MPHOSPH6: variants seen among roughly 807,000 people sequenced by gnomAD.
MPHOSPH6 encodes M-phase phosphoprotein 6.
In MPHOSPH6, 25 loss-of-function variants were observed where a neutral mutation model predicts 21.8. That is an observed-to-expected ratio of 1.15 (90% CI 0.83 to 1.60). The LOEUF (loss-of-function observed/expected upper bound fraction) is 1.60. MPHOSPH6 is among the 40% of genes most tolerant of loss of function. MPHOSPH6 has a pLI of 0.00. For synonymous variants in MPHOSPH6, 84 were observed against 56.5 expected, an observed-to-expected ratio of 1.49 and a Z score of -2.18; for missense variants, 269 against 181.8, an observed-to-expected ratio of 1.48 and a Z score of -2.76.
intron 2 of MPHOSPH6, among the ~76,000 whole-genome samples, chr16:82,158,495 T>C (rs1469007236): frequency 3.6e-4 from 23 of 63,724 alleles, no homozygotes; most frequent in African/African-American, 1.4e-3. Context: ...CGAGACTCCG[T>C]CTCAAAAAAA....
intron 3 of MPHOSPH6, among the ~76,000 whole-genome samples, chr16:82,150,191 A>T (rs79097164): frequency 0.14 from 21,606 of 151,656 alleles, 2,215 homozygotes; most frequent in Admixed American, 0.34. Flanking sequence ...ATTTTCTAAC[A>T]CCCGTCCCTG....
At chr16:82,151,754 T>C (rs1168848943) in intron 2 of MPHOSPH6, among the ~76,000 whole-genome samples, 2 of 152,246 alleles carry the variant, frequency 1.3e-5, no homozygotes, top group South Asian at 2.1e-4. Context: ...TTAATTTGCA[T>C]AAATATCTAC....
chr16:82,164,933 C>T (rs994573047), intron 1 of MPHOSPH6: 5 of 152,028 alleles, frequency 3.3e-5, no homozygotes, highest in African/African-American at 9.7e-5. Context: ...GCATGAATAC[C>T]TGTATTTCTT....
intron 2 of MPHOSPH6, among the ~76,000 whole-genome samples, chr16:82,161,947 A>C (rs1906620668): frequency 6.6e-6 from 1 of 152,250 alleles, no homozygotes; most frequent in African/African-American, 2.4e-5. Flanking sequence ...GAGCACAGAC[A>C]CATGCAATCT....
At chr16:82,151,926 C>G (rs746124253) in intron 2 of MPHOSPH6, among the ~76,000 whole-genome samples, 9 of 152,202 alleles carry the variant, frequency 5.9e-5, no homozygotes, top group Non-Finnish European at 1.0e-4. Context: ...CAGTGACACA[C>G]TACTCCAAAT....
At chr16:82,163,628 G>T (rs1329041782) in intron 2 of MPHOSPH6, among the ~76,000 whole-genome samples, 2 of 152,200 alleles carry the variant, frequency 1.3e-5, no homozygotes, top group African/African-American at 2.4e-5. Context: ...TTCAGTAAAT[G>T]TTAGCTAAAA....
intron 1 of MPHOSPH6, among the ~76,000 whole-genome samples, chr16:82,165,691 T>G (rs1906751292): frequency 3.1e-5 from 1 of 32,354 alleles, no homozygotes; most frequent in Non-Finnish European, 1.2e-4. Flanking sequence ...TACAACTGCC[T>G]ACAGTATTCA....
At position 82,149,525 on chromosome 16, in the gene MPHOSPH6, T is replaced by C. The variant is rs1906195502; in HGVS notation, c.256-122A>G. On this transcript the variant is annotated intron_variant, in intron 3 of 4. Coordinates refer to ENST00000258169, the MANE Select transcript of MPHOSPH6 (RefSeq NM_005792.2). ...AATCTAGAGAACTAGTCAAAATTGA[T>C]AAGGGACTCTCTGTAATACTTGATA... The C allele has an allele frequency of 7.1e-5, 56 of 794,100 alleles. 2 individuals are homozygous for C. The South Asian group carries it at 8.1e-4, about 11-fold the overall frequency. The allele number at this position is 794,100 out of a possible 1,614,324, so 49.2% of individuals were successfully genotyped here.
Position 82,148,738 on chromosome 16 carries a change from T to C in MPHOSPH6, c.476A>G (p.Gln159Arg). Residue 159 changes from glutamine (Q) to arginine (R), a missense_variant, in exon 5 of 5, where the codon CAG (glutamine) becomes CGG (arginine). Physicochemically the swap from Gln to Arg is conservative, Grantham distance 43 (BLOSUM62 1). Coordinates refer to ENST00000258169, the MANE Select transcript of MPHOSPH6 (RefSeq NM_005792.2). ...IKAKKMFLKP[Q>R]D Reference sequence around the variant, plus strand: ...TCGCTTAAGGCATCCATCTTAATCCTGGGGCTTTAAGAACATCTTCTTTGC... The same window carrying C: ...TCGCTTAAGGCATCCATCTTAATCCCGGGGCTTTAAGAACATCTTCTTTGC... 1.2e-6 allele frequency: 2 copies of C among 1,614,092 alleles called. No homozygotes were observed. Among genetic ancestry groups the C allele is most frequent in the Non-Finnish European group, 1.7e-6 (2 of 1,180,014 alleles).
chr16:82,158,498 C>CA (rs3037959), intron 2 of MPHOSPH6, among the ~76,000 whole-genome samples: 1,320 of 81,354 alleles, frequency 0.016, 68 homozygotes, highest in African/African-American at 0.055. Flanking sequence ...GACTCCGTCT[C>CA]AAAAAAAAAA....
intron 2 of MPHOSPH6, among the ~76,000 whole-genome samples, chr16:82,160,608 G>A (rs1450911381): frequency 3.3e-5 from 5 of 152,142 alleles, no homozygotes; most frequent in South Asian, 2.1e-4. Context: ...CTTGTGGTCC[G>A]TTATCCAAGG....
In MPHOSPH6 at chr16:82,153,523, T is replaced by C. The variant is rs377277072; in HGVS notation, c.165-2009A>G. Among the ~76,000 whole-genome samples, 8 of 152,228 alleles carry C rather than the reference T, an allele frequency of 5.3e-5. No individual in the cohort carries two copies. In the East Asian group the frequency reaches 9.7e-4, roughly 18 times the overall value. On this transcript the variant is annotated intron_variant, in intron 2 of 4. Coordinates refer to ENST00000258169, the MANE Select transcript of MPHOSPH6 (RefSeq NM_005792.2). ...TGAGCTTAAGAGACAAACTGTTTCA[T>C]TGGGGCTTTAGTTGAAAAAAATAAA...
intron 2 of MPHOSPH6, among the ~76,000 whole-genome samples, chr16:82,154,411 A>C (rs1301672895): frequency 1.3e-5 from 2 of 152,234 alleles, no homozygotes. Context: ...AATACATACA[A>C]ATGTACAGCA....
intron 1 of MPHOSPH6, among the ~76,000 whole-genome samples, 189 bp from the exon 2 acceptor site, chr16:82,164,383 T>C (rs545152173): frequency 4.1e-4 from 62 of 152,324 alleles, no homozygotes; most frequent in African/African-American, 1.4e-3. Context: ...CGATGAGGGC[T>C]TGTGTCAGGG....
intron 1 of MPHOSPH6, chr16:82,164,903 C>G (rs1429539661): frequency 1.3e-5 from 2 of 152,120 alleles, no homozygotes; most frequent in African/African-American, 4.8e-5. Context: ...AATAACAGTC[C>G]TGCTGCCAGT....
At position 82,151,534 on chromosome 16, in the gene MPHOSPH6, T is replaced by C. The variant is rs935144789; in HGVS notation, c.165-20A>G. ...AAACTCCTAAATGGGAAAATAAAAA[T>C]AGCATTTCTCCATATATAAAGCACA... On this transcript the variant is annotated intron_variant, in intron 2 of 4. Transcript: ENST00000258169. 3.2e-6 allele frequency: 5 copies of C among 1,563,400 alleles called. No individual in the cohort carries two copies. The highest frequency in any genetic ancestry group is 2.3e-5 in the East Asian group (1 of 44,364).
chr16:82,168,805 T>C (rs1281331988), intron 1 of MPHOSPH6, among the ~76,000 whole-genome samples: 3 of 152,154 alleles, frequency 2.0e-5, no homozygotes, highest in Non-Finnish European at 4.4e-5. Flanking sequence ...CTTCCTTCCC[T>C]CTTTTGGAAA....
chr16:82,157,008 G>A (rs778014774), intron 2 of MPHOSPH6, among the ~76,000 whole-genome samples: 1 of 152,014 alleles, frequency 6.6e-6, no homozygotes, highest in Non-Finnish European at 1.5e-5. Flanking sequence ...CCGCGGTTGC[G>A]CCAGTGCACT....
chr16:82,165,992 C>T (rs770828252), intron 1 of MPHOSPH6, among the ~76,000 whole-genome samples: 5 of 152,212 alleles, frequency 3.3e-5, no homozygotes, highest in Admixed American at 1.3e-4. Context: ...TGGAAAACAG[C>T]ATGGCAGTTT....
Sources: gnomAD v4.1 joint callset for allele counts (sites outside exome capture counted in the v4.1 genomes callset) on GRCh38, gnomAD v4.1.1 for gene constraint, MANE v1.5 for transcripts, NCBI Gene and HGNC (gene_info 2026-07-23, HGNC 2026-07-21) for gene names.